Variants in ZNF121 observed in about 807,000 individuals in gnomAD.
ZNF121 encodes the protein zinc finger protein 121, also known as zinc finger protein 121 (clone ZHC32).
Under a neutral mutation model 2.4 loss-of-function variants are expected in ZNF121, and 1 was observed. The ratio of observed to expected loss-of-function variants is 0.41; its 90% CI spans 0.15 to 1.94. The LOEUF (loss-of-function observed/expected upper bound fraction) is 1.94, where lower values mean the gene tolerates loss of function less well. Ranked by LOEUF, ZNF121 falls within the 30% of genes most tolerant of loss-of-function variation. The pLI, the probability that ZNF121 is intolerant of heterozygous loss-of-function variation, is 0.30. For missense variants in ZNF121, 369 were observed against 466.3 expected, an observed-to-expected ratio of 0.79 and a Z score of 1.92; for synonymous variants, 173 against 158.6, an observed-to-expected ratio of 1.09 and a Z score of -0.68.
rs1229849060 is a variant in ZNF121 at position 9,563,884 on chromosome 19, A to C, written c.*2056T>G. 6.6e-6 allele frequency: 1 copy of C among 152,212 alleles called. No individual in the cohort carries two copies. The highest frequency in any genetic ancestry group is 1.5e-5 in the Non-Finnish European group (1 of 68,034). 9.4% of individuals were successfully genotyped at this position (152,212 alleles called of 1,614,324 possible). ...ATCTATTTACAGCATGGTTTACTGA[A>C]TATTTTAAGCCCACTGTAAAACATA... On this transcript the variant is annotated 3_prime_UTR_variant, in exon 4 of 4. Coordinates refer to ENST00000320451, the MANE Select transcript of ZNF121 (RefSeq NM_001008727.5).
chr19:9,568,396 C>T (rs1006826658), intron 2 of ZNF121, among the ~76,000 whole-genome samples: 1 of 150,830 alleles, frequency 6.6e-6, no homozygotes, highest in Non-Finnish European at 1.5e-5. Context: ...GAGACAGAGT[C>T]TCGCTCTGTC....
chr19:9,562,467 C>G lies in ZNF121; in HGVS notation c.*3473G>C, dbSNP rs1259766819. On this transcript the variant is annotated 3_prime_UTR_variant, in exon 4 of 4. Coordinates refer to ENST00000320451, the MANE Select transcript of ZNF121 (RefSeq NM_001008727.5). ...GTGTGAGCCACCGTGCCCGGCTGCT[C>G]TGTGATCTTTGATGTTCCTATTTTA... 4.2e-6 allele frequency: 1 copy of G among 240,098 alleles called. No individual in the cohort carries two copies. The highest frequency in any genetic ancestry group is 9.2e-6 in the Non-Finnish European group (1 of 108,476). The allele number at this position is 240,098 out of a possible 1,614,324, so 14.9% of individuals were successfully genotyped here.
At position 9,566,070 on chromosome 19, in the gene ZNF121, G is replaced by T; in HGVS notation, c.1043C>A (p.Thr348Asn). 4 of 1,613,894 alleles carry T rather than the reference G, an allele frequency of 2.5e-6. No individual in the cohort carries two copies. Among genetic ancestry groups the T allele is most frequent in the Non-Finnish European group, 3.4e-6 (4 of 1,179,962 alleles). Residue 348 changes from threonine to asparagine, a missense_variant, in exon 4 of 4, where the codon ACC becomes AAC. Transcript: ENST00000320451. ...CTGTAGATGTGAAGAAGCACGGAAG[G>T]TTTTCCCACATTCCTTACATATATA... The part of the protein sequence containing the change: ...KPYICKECGK[T>N]FRASSHLQKH...
intron 1 of ZNF121, among the ~76,000 whole-genome samples, chr19:9,582,855 A>G (rs931564319): frequency 2.0e-5 from 3 of 150,386 alleles, no homozygotes; most frequent in African/African-American, 7.4e-5. Flanking sequence ...TAGTCTAAAC[A>G]TGCTGTTAAT....
Position 9,565,667 on chromosome 19 carries a change from C to A in ZNF121, c.*273G>T. ...TGTGATGACAACAGCAAAACTCTGT[C>A]TCAAATAAAATAAAATAAAATAAAA... is the stretch of plus-strand genomic sequence containing the variant. On this transcript the variant is annotated 3_prime_UTR_variant, in exon 4 of 4. Transcript: ENST00000320451. 1.0e-5 allele frequency: 1 copy of A among 98,118 alleles called. No homozygotes were observed. The highest frequency in any genetic ancestry group is 1.5e-4 in the Admixed American group (1 of 6,832). 6.1% of individuals were successfully genotyped at this position (98,118 alleles called of 1,614,324 possible).
rs889107307 is a variant in ZNF121 at position 9,561,288 on chromosome 19, T to C, written c.*4652A>G. 1.3e-5 allele frequency: 2 copies of C among 152,192 alleles called. No homozygotes were observed. Among genetic ancestry groups the C allele is most frequent in the Non-Finnish European group, 1.5e-5 (1 of 68,028 alleles). 9.4% of individuals were successfully genotyped at this position (152,192 alleles called of 1,614,324 possible). On this transcript the variant is annotated 3_prime_UTR_variant, in exon 4 of 4. Coordinates refer to ENST00000320451, the MANE Select transcript of ZNF121 (RefSeq NM_001008727.5). ...AATAGTATTCTCCATTAAAATAAAT[T>C]ACATTTTTCTGAGTCTAGGGCTGGA... is the stretch of plus-strand genomic sequence containing the variant.
At chr19:9,583,658 C>A (rs1264658025) in intron 1 of ZNF121, among the ~76,000 whole-genome samples, 1 of 152,014 alleles carries the variant, frequency 6.6e-6, no homozygotes, top group Non-Finnish European at 1.5e-5. Context: ...CGCCCGCCAT[C>A]GCGCCTGGCT....
chr19:9,575,173 A>G (rs2074201463), intron 1 of ZNF121, among the ~76,000 whole-genome samples: 1 of 152,200 alleles, frequency 6.6e-6, no homozygotes, highest in African/African-American at 2.4e-5. Context: ...AAATCACAAC[A>G]CTTTGGGAGG....
intron 1 of ZNF121, among the ~76,000 whole-genome samples, chr19:9,571,222 T>C (rs1255664942): frequency 6.6e-6 from 1 of 152,200 alleles, no homozygotes; most frequent in Non-Finnish European, 1.5e-5. Context: ...CACGGTTGTG[T>C]TCTGATTAAA....
rs1015589523 is a variant in ZNF121 at position 9,565,304 on chromosome 19, G to A, written c.*636C>T. On this transcript the variant is annotated 3_prime_UTR_variant, in exon 4 of 4. Coordinates refer to ENST00000320451, the MANE Select transcript of ZNF121 (RefSeq NM_001008727.5). Reference sequence around the variant, plus strand: ...GGTGAGTTCTCAAATGTTGGATTGTGACCACAATCCAATCCCTTGAGAAAA... The same window carrying A: ...GGTGAGTTCTCAAATGTTGGATTGTAACCACAATCCAATCCCTTGAGAAAA... 2 of 123,464 alleles carry A rather than the reference G, an allele frequency of 1.6e-5. No homozygotes were observed. The highest frequency in any genetic ancestry group is 3.2e-5 in the Non-Finnish European group (2 of 62,584). 7.6% of individuals were successfully genotyped at this position (123,464 alleles called of 1,614,324 possible). A position where few individuals can be genotyped will look rare whatever the true frequency, so the allele number is the denominator to read the frequency against.
In ZNF121 at chr19:9,567,060, T is replaced by C. The variant is rs199593865; in HGVS notation, c.53A>G (p.Glu18Gly). Residue 18 changes from glutamate to glycine, a missense_variant, in exon 4 of 4, where the codon GAA becomes GGA. Transcript: ENST00000320451. ...AAGGCATGAGTGTTCACTGAAGATTTCTCCATTTTCCATAAAGTCACAGAG... is the reference window on the plus strand; with the variant it reads ...AAGGCATGAGTGTTCACTGAAGATTCCTCCATTTTCCATAAAGTCACAGAG... ...GELCDFMENG[E>G]IFSEHSCLNA... 8.1e-6 allele frequency: 13 copies of C among 1,613,988 alleles called. No individual in the cohort carries two copies. The highest frequency in any genetic ancestry group is 1.0e-5 in the Non-Finnish European group (12 of 1,179,974).
rs2074094530 is a variant in ZNF121 at position 9,560,382 on chromosome 19, C to A, written c.*5558G>T. On this transcript the variant is annotated 3_prime_UTR_variant, in exon 4 of 4. Coordinates refer to ENST00000320451, the MANE Select transcript of ZNF121 (RefSeq NM_001008727.5). Reference sequence around the variant, plus strand: ...AAAACACATAAAATTTACCCTTTCACATACTTTGTGTGTACCGAAGAGTAT... The same window carrying A: ...AAAACACATAAAATTTACCCTTTCAAATACTTTGTGTGTACCGAAGAGTAT... The A allele has an allele frequency of 6.6e-6, 1 of 152,196 alleles. No homozygotes were observed. Among genetic ancestry groups the A allele is most frequent in the Admixed American group, 6.5e-5 (1 of 15,272 alleles). 9.4% of individuals were successfully genotyped at this position (152,196 alleles called of 1,614,324 possible).
intron 1 of ZNF121, among the ~76,000 whole-genome samples, chr19:9,573,421 A>G (rs190946705): frequency 4.5e-4 from 69 of 152,306 alleles, no homozygotes; most frequent in Admixed American, 2.9e-3. Flanking sequence ...GGAAAGATTC[A>G]CTGAGCTTGA....
At chr19:9,569,845 T>C (rs2074160820) in intron 1 of ZNF121, among the ~76,000 whole-genome samples, 1 of 151,242 alleles carries the variant, frequency 6.6e-6, no homozygotes, top group African/African-American at 2.4e-5. Context: ...GATCTTTTTT[T>C]TTTTTTTTTT....
At chr19:9,577,699 T>C (rs904166017) in intron 1 of ZNF121, among the ~76,000 whole-genome samples, 12 of 151,758 alleles carry the variant, frequency 7.9e-5, no homozygotes, top group Non-Finnish European at 1.6e-4. Context: ...AATCCTAAAA[T>C]GTATATGCAA....
chr19:9,570,428 A>C (rs2074165768), intron 1 of ZNF121, among the ~76,000 whole-genome samples: 1 of 151,932 alleles, frequency 6.6e-6, no homozygotes, highest in Non-Finnish European at 1.5e-5. Context: ...AGCAGAAGAC[A>C]CTCTCTTCAC....
chr19:9,575,727 A>G (rs1309820517), intron 1 of ZNF121, among the ~76,000 whole-genome samples: 2 of 152,160 alleles, frequency 1.3e-5, no homozygotes, highest in Non-Finnish European at 2.9e-5. Flanking sequence ...TGGGCAACAG[A>G]GCAAGACTCT....
intron 1 of ZNF121, among the ~76,000 whole-genome samples, chr19:9,570,147 A>C (rs2074163612): frequency 6.6e-6 from 1 of 152,108 alleles, no homozygotes; most frequent in South Asian, 2.1e-4. Flanking sequence ...CAGAGGCTGC[A>C]GTGAGCCGAG....
chr19:9,574,027 CT>C (rs60923401), intron 1 of ZNF121, among the ~76,000 whole-genome samples: 264 of 139,890 alleles, frequency 1.9e-3, no homozygotes, highest in Middle Eastern at 7.2e-3. Context: ...TTCTTTCTTT[CT>C]TTTTTTTTTT....
Sources: gnomAD v4.1 joint callset for allele counts (sites outside exome capture counted in the v4.1 genomes callset) on GRCh38, gnomAD v4.1.1 for gene constraint, MANE v1.5 for transcripts, NCBI Gene and HGNC (gene_info 2026-07-23, HGNC 2026-07-21) for gene names.